The following CNTNAP5 variants were observed in gnomAD, a reference collection of about 807,000 sequenced individuals.
CNTNAP5 encodes the protein contactin-associated protein-like 5.
Under a neutral mutation model 150.2 loss-of-function variants are expected in CNTNAP5, and 72 were observed. That is an observed-to-expected ratio of 0.48 (90% CI 0.40 to 0.58). The LOEUF (loss-of-function observed/expected upper bound fraction) is 0.58, where lower values mean the gene tolerates loss of function less well. Ranked by LOEUF, CNTNAP5 falls within the 20% of genes least tolerant of loss-of-function variation. The pLI is 0.00. For missense variants in CNTNAP5, 1,636 were observed against 1,626.2 expected (o/e 1.01, Z -0.10); for synonymous variants, 672 against 619.8 (o/e 1.08, Z -1.25).
At chr2:124,146,443 G>A (rs1315785961) in intron 1 of CNTNAP5, among the ~76,000 whole-genome samples, 1 of 151,840 alleles carries the variant, frequency 6.6e-6, no homozygotes, top group Non-Finnish European at 1.5e-5. Flanking sequence ...TCACTTCTGG[G>A]AATCTATCCT....
chr2:124,907,795 G>C (rs1413157327), intron 22 of CNTNAP5, among the ~76,000 whole-genome samples: 1 of 150,690 alleles, frequency 6.6e-6, no homozygotes, highest in African/African-American at 2.4e-5. Flanking sequence ...TGTCCATTAA[G>C]CATGGATATA....
In CNTNAP5 at chr2:124,539,174, C is replaced by G. The variant is rs148400674; in HGVS notation, c.1649+11718C>G. Among the ~76,000 whole-genome samples, 730 of 152,310 alleles carry G rather than the reference C, an allele frequency of 4.8e-3. 4 individuals carry two copies. The highest frequency in any genetic ancestry group is 0.017 in the African/African-American group (699 of 41,570). The stretch of plus-strand genomic sequence containing the variant: ...CAGGTCTGACCTGCAGTAAAAGGTT[C>G]TCACCTGTGTCTGCAGTGAAATGTA... On this transcript the variant is annotated intron_variant, in intron 10 of 23. Coordinates refer to ENST00000682447, the MANE Select transcript of CNTNAP5 (RefSeq NM_001367498.1).
chr2:124,135,704 T>C (rs1478028647), intron 1 of CNTNAP5, among the ~76,000 whole-genome samples: 4 of 152,200 alleles, frequency 2.6e-5, no homozygotes, highest in Non-Finnish European at 5.9e-5. Context: ...TGTCTACACA[T>C]CCCTGTCAAA....
chr2:124,038,673 A>AAAAT (rs1681285498), intron 1 of CNTNAP5, among the ~76,000 whole-genome samples: 1 of 152,258 alleles, frequency 6.6e-6, no homozygotes, highest in Non-Finnish European at 1.5e-5. Flanking sequence ...AAAATAAATT[A>AAAAT]CAAGAGCGGC....
At chr2:124,868,553 G>A (rs1677678838) in intron 20 of CNTNAP5, among the ~76,000 whole-genome samples, 1 of 152,054 alleles carries the variant, frequency 6.6e-6, no homozygotes, top group African/African-American at 2.4e-5. Flanking sequence ...CTATTTCCTT[G>A]ACGTCAACCC....
intron 4 of CNTNAP5, among the ~76,000 whole-genome samples, chr2:124,433,361 G>T (rs186394267): frequency 5.0e-4 from 76 of 152,272 alleles, no homozygotes; most frequent in Non-Finnish European, 1.0e-3. Flanking sequence ...AATAAATTGT[G>T]AAATTGGGTT....
At chr2:124,516,437 C>A (rs975203280) in intron 8 of CNTNAP5, among the ~76,000 whole-genome samples, 3 of 152,074 alleles carry the variant, frequency 2.0e-5, no homozygotes, top group Non-Finnish European at 4.4e-5. Flanking sequence ...TCAAGTCAAG[C>A]CAATCTATTT....
At chr2:124,890,849 T>A (rs1229204794) in intron 21 of CNTNAP5, among the ~76,000 whole-genome samples, 4 of 152,102 alleles carry the variant, frequency 2.6e-5, no homozygotes, top group African/African-American at 9.7e-5. Flanking sequence ...GGTAAGTGTA[T>A]AGAGACATAC....
At chr2:124,317,070 C>T (rs1688985394) in intron 3 of CNTNAP5, among the ~76,000 whole-genome samples, 1 of 151,990 alleles carries the variant, frequency 6.6e-6, no homozygotes, top group Admixed American at 6.6e-5. Context: ...TCTGCTTAGT[C>T]TGGGCAGCAC....
chr2:124,861,716 G>A lies in CNTNAP5; in HGVS notation c.3218-3590G>A, dbSNP rs559875115. Among the ~76,000 whole-genome samples the A allele has an allele frequency of 5.3e-5, 8 of 152,282 alleles. No individual in the cohort carries two copies. In the South Asian group the frequency reaches 1.5e-3, roughly 28 times the overall value. ...ACATGGATAGGACCTTTAAAACTTC[G>A]AGAGTAGTTGCTAGTGACAAAAGTT... is the stretch of plus-strand genomic sequence containing the variant. On this transcript the variant is annotated intron_variant, in intron 19 of 23. Coordinates refer to ENST00000682447, the MANE Select transcript of CNTNAP5 (RefSeq NM_001367498.1).
chr2:124,561,925 C>T (rs574651200), intron 10 of CNTNAP5, among the ~76,000 whole-genome samples: 23 of 152,170 alleles, frequency 1.5e-4, no homozygotes, highest in Admixed American at 3.3e-4. Flanking sequence ...TTTAAATTCG[C>T]GGAATTTATT....
chr2:124,087,343 T>C (rs1031813371), intron 1 of CNTNAP5, among the ~76,000 whole-genome samples: 1 of 151,918 alleles, frequency 6.6e-6, no homozygotes, highest in Non-Finnish European at 1.5e-5. Context: ...TAATAGAGTA[T>C]AGTCATTATT....
intron 13 of CNTNAP5, among the ~76,000 whole-genome samples, chr2:124,655,967 G>GAAA (rs1678442066): frequency 7.9e-6 from 1 of 127,130 alleles, no homozygotes; most frequent in Non-Finnish European, 1.7e-5. Flanking sequence ...AAGAAAGAAA[G>GAAA]AAAGAAAGAA....
At chr2:124,720,382 T>C (rs1342156815) in intron 13 of CNTNAP5, among the ~76,000 whole-genome samples, 6 of 152,202 alleles carry the variant, frequency 3.9e-5, no homozygotes, top group African/African-American at 1.4e-4. Context: ...GTGTTCCCTT[T>C]TTCCCAGTTG....
chr2:124,830,845 T>C (rs1045700582), intron 19 of CNTNAP5, among the ~76,000 whole-genome samples: 1 of 152,028 alleles, frequency 6.6e-6, no homozygotes, highest in African/African-American at 2.4e-5. Flanking sequence ...CAAAAAGTTA[T>C]ATCTTCTCAA....
At chr2:124,339,959 T>G (rs994241684) in intron 3 of CNTNAP5, among the ~76,000 whole-genome samples, 1 of 152,122 alleles carries the variant, frequency 6.6e-6, no homozygotes, top group East Asian at 1.9e-4. Context: ...AAAAAAAAAC[T>G]TAGAATTTGC....
chr2:124,476,230 C>G (rs1165669955), intron 7 of CNTNAP5, among the ~76,000 whole-genome samples: 1 of 152,040 alleles, frequency 6.6e-6, no homozygotes, highest in African/African-American at 2.4e-5. Context: ...ATATTTAGAA[C>G]CATTTCAAGT....
chr2:124,171,430 C>A (rs11689768), intron 1 of CNTNAP5, among the ~76,000 whole-genome samples: 116,441 of 152,064 alleles, frequency 0.77, 45,240 homozygotes, highest in Non-Finnish European at 0.8. Flanking sequence ...TTGAGCTGTT[C>A]TCTTGATATG....
At chr2:124,783,906 A>G (rs1412194449) in intron 17 of CNTNAP5, among the ~76,000 whole-genome samples, 5 of 152,212 alleles carry the variant, frequency 3.3e-5, no homozygotes, top group Non-Finnish European at 7.3e-5. Context: ...AGGAAATCAC[A>G]TTTTGAAATT....
Sources: gnomAD v4.1 joint callset for allele counts (sites outside exome capture counted in the v4.1 genomes callset) on GRCh38, gnomAD v4.1.1 for gene constraint, MANE v1.5 for transcripts, NCBI Gene and HGNC (gene_info 2026-07-23, HGNC 2026-07-21) for gene names.